Variants in MRPL17 observed in about 807,000 individuals in gnomAD.
MRPL17 encodes the protein large ribosomal subunit protein bL17m.
A neutral mutation model predicts 12.0 loss-of-function variants in MRPL17; 8 were observed. The ratio of observed to expected loss-of-function variants is 0.67; its 90% CI spans 0.39 to 1.21. The LOEUF is 1.21. MRPL17 is among the 50% of genes most tolerant of loss of function. The pLI is 0.01. For synonymous variants in MRPL17, 107 were observed against 92.9 expected (o/e 1.15, Z -0.87); for missense variants, 263 against 234.4 (o/e 1.12, Z -0.80).
chr11:6,681,657 C>T lies in MRPL17; in HGVS notation c.*461G>A, dbSNP rs1033957002. 9 of 152,456 alleles carry T rather than the reference C, an allele frequency of 5.9e-5. No homozygotes were observed. Among genetic ancestry groups the T allele is most frequent in the African/African-American group, 2.2e-4 (9 of 41,576 alleles). 9.4% of individuals were successfully genotyped at this position (152,456 alleles called of 1,614,324 possible). The stretch of plus-strand genomic sequence containing the variant: ...CTTGCAGATTGTCACTCCCCTACCC[C>T]TGTCAGGAAGTAATCTTTCTCTAAG... On this transcript the variant is annotated 3_prime_UTR_variant, in exon 3 of 3. Transcript: ENST00000288937.
At chr11:6,682,554 G>C in intron 2 of MRPL17, 152 bp from the exon 3 acceptor site, 2 of 1,027,034 alleles carry the variant, frequency 1.9e-6, no homozygotes, top group Non-Finnish European at 2.9e-6. Context: ...ACACAAAGGG[G>C]TCGTTTATAG....
chr11:6,682,750 G>C lies in MRPL17; in HGVS notation c.240C>G (p.Leu80=), dbSNP rs754474380. Residue 80 remains leucine (L), a synonymous_variant, in exon 2 of 3, where the codon CTC becomes CTG. Coordinates refer to ENST00000288937, the MANE Select transcript of MRPL17 (RefSeq NM_022061.4). ...ERAMRMADFW[L]TEKDLIPKLF... Reference sequence around the variant, plus strand: ...AAGGCAGATAGGTCGCACTCACTGTGAGCCAGAAGTCAGCCATGCGCATGG... The same window carrying C: ...AAGGCAGATAGGTCGCACTCACTGTCAGCCAGAAGTCAGCCATGCGCATGG... The C allele has an allele frequency of 6.2e-7, 1 of 1,614,118 alleles. No homozygotes were observed. Among genetic ancestry groups the C allele is most frequent in the Non-Finnish European group, 8.5e-7 (1 of 1,179,974 alleles).
chr11:6,682,758 A>T lies in MRPL17; in HGVS notation c.232T>A (p.Phe78Ile), dbSNP rs918035572. The change falls in exon 2 of 3, where the codon TTC (phenylalanine) becomes ATC (isoleucine). Residue 78 changes from phenylalanine (F) to isoleucine (I), a missense_variant. Physicochemically the swap from Phe to Ile is conservative, Grantham distance 21. Coordinates refer to ENST00000288937, the MANE Select transcript of MRPL17 (RefSeq NM_022061.4). ...TNERAMRMAD[F>I]WLTEKDLIPK... ...TAGGTCGCACTCACTGTGAGCCAGAAGTCAGCCATGCGCATGGCTCGTTCG... is the reference window on the plus strand; with the variant it reads ...TAGGTCGCACTCACTGTGAGCCAGATGTCAGCCATGCGCATGGCTCGTTCG... 4 of 1,614,070 alleles carry T rather than the reference A, an allele frequency of 2.5e-6. No individual in the cohort carries two copies. In the African/African-American group the frequency reaches 5.3e-5, roughly 22 times the overall value.
At position 6,681,953 on chromosome 11, in the gene MRPL17, A is replaced by G. The variant is rs868684212; in HGVS notation, c.*165T>C. ...TATATATATTCATATAAAGACTTTTATCTATTGTGCAAAGAGAGGGTCATC... is the reference window on the plus strand; with the variant it reads ...TATATATATTCATATAAAGACTTTTGTCTATTGTGCAAAGAGAGGGTCATC... On this transcript the variant is annotated 3_prime_UTR_variant, in exon 3 of 3. Coordinates refer to ENST00000288937, the MANE Select transcript of MRPL17 (RefSeq NM_022061.4). 2.0e-6 allele frequency: 1 copy of G among 501,948 alleles called. No individual in the cohort carries two copies. Among genetic ancestry groups the G allele is most frequent in the Admixed American group, 3.9e-5 (1 of 25,848 alleles). The allele number at this position is 501,948 out of a possible 1,614,324, so 31.1% of individuals were successfully genotyped here.
At position 6,681,917 on chromosome 11, in the gene MRPL17, A is replaced by C. The variant is rs3168317; in HGVS notation, c.*201T>G. ...CCAGAAATCCCACAGGAAGGAAAAAATAAATAAATTTATATATATTCATAT... is the reference window on the plus strand; with the variant it reads ...CCAGAAATCCCACAGGAAGGAAAAACTAAATAAATTTATATATATTCATAT... On this transcript the variant is annotated 3_prime_UTR_variant, in exon 3 of 3. Transcript: ENST00000288937. 0.085 allele frequency: 30,396 copies of C among 357,668 alleles called. 1,673 individuals carry two copies. Among genetic ancestry groups the C allele is most frequent in the African/African-American group, 0.19 (8,846 of 47,794 alleles). 22.2% of individuals were successfully genotyped at this position (357,668 alleles called of 1,614,324 possible). A position where few individuals can be genotyped will look rare whatever the true frequency, so the allele number is the denominator to read the frequency against.
intron 1 of MRPL17, 93 bp from the exon 2 acceptor site, chr11:6,682,908 C>A (rs892713897): frequency 2.9e-6 from 4 of 1,375,392 alleles, no homozygotes; most frequent in African/African-American, 2.9e-5. Context: ...ATTCTTTCCA[C>A]TAGCCAAGCA....
At position 6,682,063 on chromosome 11, in the gene MRPL17, C is replaced by T; in HGVS notation, c.*55G>A. The T allele has an allele frequency of 6.5e-7, 1 of 1,547,848 alleles. No homozygotes were observed. Among genetic ancestry groups the T allele is most frequent in the South Asian group, 1.2e-5 (1 of 81,542 alleles). ...GTTCTTCTCAGAGAGTAAAAGTGCT[C>T]CAAAGGCCTGTGATCATGGGTACTG... On this transcript the variant is annotated 3_prime_UTR_variant, in exon 3 of 3. Coordinates refer to ENST00000288937, the MANE Select transcript of MRPL17 (RefSeq NM_022061.4).
At position 6,683,136 on chromosome 11, in the gene MRPL17, C is replaced by A. The variant is rs1203508940; in HGVS notation, c.161G>T (p.Gly54Val). 6.2e-7 allele frequency: 1 copy of A among 1,613,630 alleles called. No homozygotes were observed. Among genetic ancestry groups the A allele is most frequent in the Non-Finnish European group, 8.5e-7 (1 of 1,179,812 alleles). ...CGCGCTCCTCACCTTCTCCGCGTAG[C>A]CCCTCATTTCGTCCACACGCGCCCA... Reference protein sequence around the residue: ...APWARVDEMRGYAEKLIDYGK... With the variant: ...APWARVDEMRVYAEKLIDYGK... Residue 54 changes from glycine to valine, a missense_variant, in exon 1 of 3, where the codon GGC (glycine) becomes GTC (valine). By Grantham distance (109) the Gly-to-Val change is moderately radical. Transcript: ENST00000288937.
At chr11:6,682,887 G>A (rs1245106214) in intron 1 of MRPL17, 72 bp from the exon 2 acceptor site, 6 of 1,475,326 alleles carry the variant, frequency 4.1e-6, no homozygotes, top group Non-Finnish European at 5.6e-6. Flanking sequence ...TCTAATGCCG[G>A]AAGGCAATCC....
chr11:6,681,078 C>G lies in MRPL17; in HGVS notation c.*1040G>C, dbSNP rs904335917. The stretch of plus-strand genomic sequence containing the variant: ...GCCAAATACACTCAGAAGATAGAGC[C>G]TAAGATAAAATCTCTTCTACCCACT... On this transcript the variant is annotated 3_prime_UTR_variant, in exon 3 of 3. Transcript: ENST00000288937. 1 of 152,184 alleles carries G rather than the reference C, an allele frequency of 6.6e-6. No homozygotes were observed. The highest frequency in any genetic ancestry group is 1.5e-5 in the Non-Finnish European group (1 of 68,040). The allele number at this position is 152,184 out of a possible 1,614,324, so 9.4% of individuals were successfully genotyped here.
chr11:6,682,285 C>T lies in MRPL17; in HGVS notation c.361G>A (p.Ala121Thr), dbSNP rs1386664303. 3 of 1,614,188 alleles carry T rather than the reference C, an allele frequency of 1.9e-6. No homozygotes were observed. Among genetic ancestry groups the T allele is most frequent in the Non-Finnish European group, 2.5e-6 (3 of 1,180,030 alleles). Reference protein sequence around the residue: ...PNRSLDRAKMAVIEYKGNCLP... With the variant: ...PNRSLDRAKMTVIEYKGNCLP... ...CAATTCCCTTTATACTCGATCACTG[C>T]CATCTTGGCCCGATCCAAACTCCGA... The change falls in exon 3 of 3, where the codon GCA becomes ACA. Residue 121 changes from alanine to threonine, a missense_variant. Ala to Thr is a moderately conservative substitution (Grantham distance 58). Transcript: ENST00000288937.
Position 6,682,028 on chromosome 11 carries a change from T to A in MRPL17, c.*90A>T. The A allele has an allele frequency of 6.7e-7, 1 of 1,484,856 alleles. No homozygotes were observed. The allele number at this position is 1,484,856 out of a possible 1,614,324, so 92.0% of individuals were successfully genotyped here. A position where few individuals can be genotyped will look rare whatever the true frequency, so the allele number is the denominator to read the frequency against. On this transcript the variant is annotated 3_prime_UTR_variant, in exon 3 of 3. Transcript: ENST00000288937. The stretch of plus-strand genomic sequence containing the variant: ...CCATCAAGACTGTCCATTTTACATC[T>A]CTAGCTCCAGTTCTTCTCAGAGAGT...
chr11:6,682,110 A>G lies in MRPL17; in HGVS notation c.*8T>C. The stretch of plus-strand genomic sequence containing the variant: ...ACTGATTAAGGGCTGCAGACTCTTC[A>G]GATCCAGTTAAATCCCTGGTGTTTG... On this transcript the variant is annotated 3_prime_UTR_variant, in exon 3 of 3. Transcript: ENST00000288937. 6.2e-7 allele frequency: 1 copy of G among 1,605,394 alleles called. No individual in the cohort carries two copies. Among genetic ancestry groups the G allele is most frequent in the Non-Finnish European group, 8.5e-7 (1 of 1,173,878 alleles).
At position 6,683,215 on chromosome 11, in the gene MRPL17, G is replaced by A. The variant is rs748140319; in HGVS notation, c.82C>T (p.Leu28=). The A allele has an allele frequency of 7.9e-5, 127 of 1,614,070 alleles. No homozygotes were observed. The highest frequency in any genetic ancestry group is 5.1e-6 in the Non-Finnish European group (6 of 1,180,040). Residue 28 remains leucine (L), a synonymous_variant, in exon 1 of 3, where the codon CTG becomes TTG. Transcript: ENST00000288937. ...AGCCCTGTGAGCAAGTTCCGCAACA[G>A]ATGGATGCGGGACTCGGGACCGAGG... is the stretch of plus-strand genomic sequence containing the variant. ...MGLGPESRIH[L]LRNLLTGLVR...
chr11:6,683,073 G>A, intron 1 of MRPL17, 50 bp downstream of exon 1: 3 of 1,569,786 alleles, frequency 1.9e-6, no homozygotes, highest in South Asian at 2.3e-5. Flanking sequence ...AGCCGGCTCC[G>A]CCCCCTCAGA....
Position 6,681,968 on chromosome 11 carries a change from A to T in MRPL17, c.*150T>A. The T allele has an allele frequency of 1.4e-6, 1 of 694,024 alleles. No individual in the cohort carries two copies. Among genetic ancestry groups the T allele is most frequent in the Admixed American group, 3.1e-5 (1 of 31,784 alleles). The allele number at this position is 694,024 out of a possible 1,614,324, so 43.0% of individuals were successfully genotyped here. ...AAAGACTTTTATCTATTGTGCAAAG[A>T]GAGGGTCATCTGGCTCCCCAGAAGG... On this transcript the variant is annotated 3_prime_UTR_variant, in exon 3 of 3. Coordinates refer to ENST00000288937, the MANE Select transcript of MRPL17 (RefSeq NM_022061.4).
chr11:6,683,028 G>C lies in MRPL17; in HGVS notation c.174+95C>G. On this transcript the variant is annotated intron_variant, in intron 1 of 2. Transcript: ENST00000288937. ...CTGGGGGACTCAGACTTGGGGAATG[G>C]TTTACCAGGTTGGTCCCGGTCCCTT... 3 of 1,497,966 alleles carry C rather than the reference G, an allele frequency of 2.0e-6. No homozygotes were observed. The South Asian group carries it at 3.9e-5, about 19-fold the overall frequency. The allele number at this position is 1,497,966 out of a possible 1,614,324, so 92.8% of individuals were successfully genotyped here.
Position 6,682,763 on chromosome 11 carries a change from G to T in MRPL17, c.227C>A (p.Ala76Asp), listed in dbSNP as rs777448203. 23 of 1,614,052 alleles carry T rather than the reference G, an allele frequency of 1.4e-5. No homozygotes were observed. The highest frequency in any genetic ancestry group is 1.9e-5 in the Non-Finnish European group (22 of 1,180,012). ...CGCACTCACTGTGAGCCAGAAGTCA[G>T]CCATGCGCATGGCTCGTTCGTTAGT... ...GDTNERAMRM[A>D]DFWLTEKDLI... is the part of the protein sequence containing the mutation. The change falls in exon 2 of 3, where the codon GCT becomes GAT. Residue 76 changes from alanine (A) to aspartate (D), a missense_variant. Transcript: ENST00000288937.
In MRPL17 at chr11:6,681,391, A is replaced by G. The variant is rs539918469; in HGVS notation, c.*727T>C. On this transcript the variant is annotated 3_prime_UTR_variant, in exon 3 of 3. Transcript: ENST00000288937. ...TTCTCTCGCATAGACCCTCTTTCTT[A>G]CCCCTTCCCCTCACCAAGAGGAAGG... The G allele has an allele frequency of 1.3e-5, 2 of 152,018 alleles. No individual in the cohort carries two copies. The highest frequency in any genetic ancestry group is 4.2e-4 in the South Asian group (2 of 4,808). 9.4% of individuals were successfully genotyped at this position (152,018 alleles called of 1,614,324 possible). A position where few individuals can be genotyped will look rare whatever the true frequency, so the allele number is the denominator to read the frequency against.
Sources: gnomAD v4.1 joint callset for allele counts on GRCh38, gnomAD v4.1.1 for gene constraint, MANE v1.5 for transcripts, NCBI Gene and HGNC (gene_info 2026-07-23, HGNC 2026-07-21) for gene names.